The following UQCC1 variants were observed in gnomAD, a reference collection of about 807,000 sequenced individuals.
The protein encoded by UQCC1 is ubiquinol-cytochrome c reductase complex assembly factor 1.
Under a neutral mutation model 48.0 loss-of-function variants are expected in UQCC1, and 38 were observed. The observed-to-expected ratio is 0.79, with a 90% confidence interval of 0.61 to 1.04. The LOEUF (loss-of-function observed/expected upper bound fraction) is 1.04. UQCC1 is among the 50% of genes least tolerant of loss of function. The probability of loss-of-function intolerance (pLI) is 0.00; values close to 1 mark genes in which losing one functional copy is unlikely to be tolerated. For synonymous variants in UQCC1, 111 were observed against 129.2 expected (o/e 0.86, Z 0.95); for missense variants, 368 against 381.8 (o/e 0.96, Z 0.30).
chr20:35,372,499 G>A (rs2061745549), intron 5 of UQCC1, among the ~76,000 whole-genome samples: 1 of 152,086 alleles, frequency 6.6e-6, no homozygotes, highest in Non-Finnish European at 1.5e-5. Flanking sequence ...ATTCAGTATG[G>A]TATTTCAGTT....
chr20:35,380,319 A>T (rs1489215086), intron 4 of UQCC1, among the ~76,000 whole-genome samples: 1 of 152,340 alleles, frequency 6.6e-6, no homozygotes, highest in South Asian at 2.1e-4. Flanking sequence ...CTAATATTTC[A>T]TTGGCAATTA....
chr20:35,381,884 A>T (rs1036055759), intron 4 of UQCC1, 34 bp downstream of exon 4: 1 of 1,318,268 alleles, frequency 7.6e-7, no homozygotes, highest in African/African-American at 1.5e-5. Flanking sequence ...ACAATGCCCA[A>T]AAGGAAAAAT....
intron 8 of UQCC1, among the ~76,000 whole-genome samples, chr20:35,307,372 G>A (rs933106237): frequency 1.3e-5 from 2 of 152,234 alleles, no homozygotes; most frequent in Non-Finnish European, 2.9e-5. Flanking sequence ...GATTGCTGGG[G>A]CCACAGAGGG....
At chr20:35,358,863 T>G (rs2061576047) in intron 6 of UQCC1, among the ~76,000 whole-genome samples, 1 of 152,156 alleles carries the variant, frequency 6.6e-6, no homozygotes, top group Non-Finnish European at 1.5e-5. Context: ...CCTGGCCTGA[T>G]GATGTTCTTA....
chr20:35,382,660 C>T (rs1600988555), intron 3 of UQCC1, among the ~76,000 whole-genome samples: 1 of 151,806 alleles, frequency 6.6e-6, no homozygotes, highest in East Asian at 1.9e-4. Context: ...CAGGCACCCA[C>T]CACCACGCCC....
intron 7 of UQCC1, among the ~76,000 whole-genome samples, chr20:35,341,218 C>CAAAA (rs61675932): frequency 2.9e-4 from 33 of 115,482 alleles, no homozygotes; most frequent in African/African-American, 4.9e-4. Flanking sequence ...GAGACTCCGT[C>CAAAA]AAAAAAAAAA....
At chr20:35,322,343 C>A (rs1418596750) in intron 7 of UQCC1, among the ~76,000 whole-genome samples, 1 of 151,922 alleles carries the variant, frequency 6.6e-6, no homozygotes, top group Non-Finnish European at 1.5e-5. Context: ...ATTTTATTAT[C>A]TTATTTGTGC....
chr20:35,345,596 C>T (rs759757168), intron 7 of UQCC1: 2 of 151,938 alleles, frequency 1.3e-5, no homozygotes, highest in Non-Finnish European at 2.9e-5. Flanking sequence ...AGCTCTCAGG[C>T]GAAGGATACG....
chr20:35,384,207 T>C, intron 2 of UQCC1, 74 bp from the exon 3 acceptor site: 1 of 1,320,828 alleles, frequency 7.6e-7, no homozygotes, highest in Non-Finnish European at 1.1e-6. Flanking sequence ...TGTTTCAAAG[T>C]AAAGACTATA....
intron 1 of UQCC1, among the ~76,000 whole-genome samples, chr20:35,399,501 T>C (rs570120136): frequency 1.3e-5 from 2 of 152,120 alleles, no homozygotes; most frequent in Non-Finnish European, 2.9e-5. Context: ...AATTTCCTTG[T>C]AGTAATTTTT....
At chr20:35,353,394 TA>T (rs199996426) in intron 6 of UQCC1, among the ~76,000 whole-genome samples, 579 of 119,514 alleles carry the variant, frequency 4.8e-3, no homozygotes, top group Non-Finnish European at 5.3e-3. Flanking sequence ...AGACTCTACC[TA>T]AAAAAAAAAA....
intron 9 of UQCC1, 47 bp downstream of exon 9, chr20:35,306,619 G>A (rs751078308): frequency 6.9e-7 from 1 of 1,445,722 alleles, no homozygotes; most frequent in Non-Finnish European, 9.7e-7. Context: ...CCAAGAGGAG[G>A]ACCCACTGTT....
intron 5 of UQCC1, among the ~76,000 whole-genome samples, chr20:35,369,889 A>C (rs1394891044): frequency 4.6e-5 from 7 of 152,192 alleles, no homozygotes; most frequent in Non-Finnish European, 8.8e-5. Context: ...GTATTCATTA[A>C]GGAGCCTCCT....
At chr20:35,408,250 A>G (rs1402483037) in intron 1 of UQCC1, among the ~76,000 whole-genome samples, 2 of 151,018 alleles carry the variant, frequency 1.3e-5, no homozygotes, top group Admixed American at 1.3e-4. Context: ...GCAACATAGC[A>G]AGAACTCCTC....
At chr20:35,367,247 C>T (rs1161369387) in intron 5 of UQCC1, among the ~76,000 whole-genome samples, 2 of 152,070 alleles carry the variant, frequency 1.3e-5, no homozygotes, top group African/African-American at 2.4e-5. Flanking sequence ...CAGAATGTGG[C>T]CTAGATGATT....
In UQCC1 at chr20:35,320,056, C is replaced by T. The variant is rs117764889; in HGVS notation, c.574-5291G>A. ...CCCTGCAGTCAGTAAAGTATGTGCA[C>T]AGATACATCATGCTGTCATCTATTT... On this transcript the variant is annotated intron_variant, in intron 7 of 9. Coordinates refer to ENST00000374385, the MANE Select transcript of UQCC1 (RefSeq NM_018244.5). 1.1e-4 allele frequency among the ~76,000 whole-genome samples: 16 copies of T among 152,348 alleles called. No homozygotes were observed. In the East Asian group the frequency reaches 2.9e-3, roughly 28 times the overall value.
intron 1 of UQCC1, among the ~76,000 whole-genome samples, chr20:35,404,156 C>T (rs1433525368): frequency 1.3e-5 from 2 of 151,910 alleles, no homozygotes; most frequent in South Asian, 2.1e-4. Context: ...CCGAGGCGGG[C>T]GGATCACGAG....
intron 1 of UQCC1, 36 bp from the exon 2 acceptor site, chr20:35,394,232 A>C (rs752535216): frequency 1.3e-6 from 2 of 1,549,810 alleles, no homozygotes; most frequent in South Asian, 2.2e-5. Context: ...CAGGAATCTA[A>C]ATCATACTCC....
At chr20:35,373,167 C>T (rs1475418010) in intron 5 of UQCC1, among the ~76,000 whole-genome samples, 3 of 152,160 alleles carry the variant, frequency 2.0e-5, no homozygotes, top group Non-Finnish European at 4.4e-5. Flanking sequence ...AAAATTAATA[C>T]TGTGATAACA....
Sources: allele counts gnomAD v4.1 joint callset (sites outside exome capture counted in the v4.1 genomes callset), GRCh38; gene constraint gnomAD v4.1.1; transcripts MANE v1.5; gene names NCBI Gene and HGNC (gene_info 2026-07-23, HGNC 2026-07-21).